CALD1: variants seen among roughly 807,000 people sequenced by gnomAD.
CALD1 encodes the protein caldesmon.
CALD1 carries 33 observed loss-of-function variants against 99.9 expected under a neutral mutation model. The ratio of observed to expected loss-of-function variants is 0.33; its 90% CI spans 0.25 to 0.44. CALD1 has a LOEUF of 0.44. CALD1 is among the 20% of genes least tolerant of loss of function. CALD1 has a pLI of 1.00. For synonymous variants in CALD1, 310 were observed against 325.0 expected (o/e 0.95, Z 0.50); for missense variants, 861 against 962.1 (o/e 0.89, Z 1.39).
rs1806252844 is a variant in CALD1 at position 134,939,454 on chromosome 7, A to C, written c.1387-1638A>C. The stretch of plus-strand genomic sequence containing the variant: ...GTCAGGTTTCCTGATTTACAGACAA[A>C]GCTCTTGCAGAGAATGGCAAAGTAC... On this transcript the variant is annotated intron_variant, in intron 6 of 14. Coordinates refer to ENST00000361675, the MANE Select transcript of CALD1 (RefSeq NM_033138.4). Among the ~76,000 whole-genome samples the C allele has an allele frequency of 2.6e-5, 4 of 152,188 alleles. 1 individual carries two copies. In the South Asian group the frequency reaches 8.3e-4, roughly 31 times the overall value.
At chr7:134,770,740 G>T (rs559980720) in intron 1 of CALD1, among the ~76,000 whole-genome samples, 2 of 152,214 alleles carry the variant, frequency 1.3e-5, no homozygotes, top group Middle Eastern at 3.4e-3. Context: ...TTGTCAGGGG[G>T]CACTGCTCAA....
chr7:134,947,188 T>C (rs1806947289), intron 7 of CALD1, among the ~76,000 whole-genome samples: 1 of 152,228 alleles, frequency 6.6e-6, no homozygotes, highest in Admixed American at 6.5e-5. Flanking sequence ...GTGGGATTGC[T>C]GGATCACGTG....
chr7:134,869,863 G>A (rs536770690), intron 3 of CALD1, among the ~76,000 whole-genome samples: 1 of 152,128 alleles, frequency 6.6e-6, no homozygotes, highest in Non-Finnish European at 1.5e-5. Context: ...CGGTCATCAA[G>A]GTATAATGGA....
chr7:134,865,095 G>A (rs746625577), intron 2 of CALD1, among the ~76,000 whole-genome samples: 12 of 152,066 alleles, frequency 7.9e-5, no homozygotes, highest in Non-Finnish European at 1.3e-4. Context: ...CAATGTTGCT[G>A]AAAAGAATTC....
chr7:134,937,476 A>G (rs894424854), intron 6 of CALD1, among the ~76,000 whole-genome samples: 24 of 152,086 alleles, frequency 1.6e-4, no homozygotes, highest in Non-Finnish European at 2.9e-5. Flanking sequence ...CCCAATCTAT[A>G]TTCCTTTTTT....
chr7:134,780,628 G>A (rs998559513), intron 1 of CALD1, among the ~76,000 whole-genome samples: 2 of 152,164 alleles, frequency 1.3e-5, no homozygotes, highest in African/African-American at 4.8e-5. Flanking sequence ...GTACAAGGCA[G>A]CTAGTTGGTA....
intron 1 of CALD1, among the ~76,000 whole-genome samples, chr7:134,757,591 A>G (rs940787238): frequency 6.6e-6 from 1 of 152,134 alleles, no homozygotes; most frequent in Admixed American, 6.6e-5. Flanking sequence ...CTATTTTAAA[A>G]ATATGGAGGC....
chr7:134,967,023 T>G (rs1808725895), intron 14 of CALD1, among the ~76,000 whole-genome samples: 1 of 152,158 alleles, frequency 6.6e-6, no homozygotes, highest in Admixed American at 6.5e-5. Flanking sequence ...AGTGTTTATA[T>G]AGGTTCCTGT....
chr7:134,896,904 G>A (rs1192361025), intron 3 of CALD1, among the ~76,000 whole-genome samples: 3 of 152,140 alleles, frequency 2.0e-5, no homozygotes, highest in Non-Finnish European at 2.9e-5. Context: ...ACACAGCTTC[G>A]TTTCTCCATA....
chr7:134,926,218 T>A (rs1805006585), intron 3 of CALD1, among the ~76,000 whole-genome samples: 1 of 152,186 alleles, frequency 6.6e-6, no homozygotes, highest in Admixed American at 6.5e-5. Context: ...CCACAACATA[T>A]CTATCTATTA....
intron 1 of CALD1, among the ~76,000 whole-genome samples, chr7:134,839,473 G>C (rs1799567687): frequency 6.6e-6 from 1 of 152,190 alleles, no homozygotes; most frequent in African/African-American, 2.4e-5. Context: ...TTCAGCTTTA[G>C]CACATGCTGC....
At chr7:134,943,162 G>A (rs564641326) in intron 7 of CALD1, among the ~76,000 whole-genome samples, 1 of 152,284 alleles carries the variant, frequency 6.6e-6, no homozygotes, top group East Asian at 1.9e-4. Context: ...GAGAGAGGAA[G>A]AGAGTATCCG....
At chr7:134,851,796 T>C (rs1800094749) in intron 2 of CALD1, among the ~76,000 whole-genome samples, 1 of 152,138 alleles carries the variant, frequency 6.6e-6, no homozygotes, top group African/African-American at 2.4e-5. Context: ...TCAAAACTCA[T>C]TGGCCAGAAT....
intron 3 of CALD1, among the ~76,000 whole-genome samples, chr7:134,885,327 T>C (rs1801804455): frequency 6.6e-6 from 1 of 152,206 alleles, no homozygotes. Flanking sequence ...AGTGTTATTA[T>C]ATAATGTAAA....
chr7:134,826,650 T>C (rs1032998509), intron 1 of CALD1, among the ~76,000 whole-genome samples: 27 of 124,254 alleles, frequency 2.2e-4, no homozygotes, highest in Middle Eastern at 4.0e-3. Flanking sequence ...ATAATATTGG[T>C]TTTGTATTGT....
intron 1 of CALD1, among the ~76,000 whole-genome samples, chr7:134,804,713 A>T (rs1183668129): frequency 6.6e-6 from 1 of 152,206 alleles, no homozygotes; most frequent in Non-Finnish European, 1.5e-5. Context: ...TTGATTTAAG[A>T]CATACTTGAT....
intron 2 of CALD1, among the ~76,000 whole-genome samples, chr7:134,865,067 G>C (rs1283721873): frequency 2.0e-5 from 3 of 152,128 alleles, no homozygotes; most frequent in Non-Finnish European, 4.4e-5. Flanking sequence ...TTCATTGGTT[G>C]AGAGTTTGTT....
intron 2 of CALD1, among the ~76,000 whole-genome samples, chr7:134,850,754 G>A (rs1344023807): frequency 6.6e-6 from 1 of 152,088 alleles, no homozygotes; most frequent in African/African-American, 2.4e-5. Context: ...CCCTTGATGT[G>A]GTTTGGCTTT....
intron 3 of CALD1, among the ~76,000 whole-genome samples, chr7:134,912,404 G>A (rs895419070): frequency 1.4e-4 from 22 of 152,220 alleles, no homozygotes; most frequent in African/African-American, 5.3e-4. Context: ...TTCTGCAGAA[G>A]CTTCAAGCAG....
Sources: allele counts gnomAD v4.1 joint callset (sites outside exome capture counted in the v4.1 genomes callset), GRCh38; gene constraint gnomAD v4.1.1; transcripts MANE v1.5; gene names NCBI Gene and HGNC (gene_info 2026-07-23, HGNC 2026-07-21).